Variants in ENOX1 observed in about 807,000 individuals in gnomAD.
The protein encoded by ENOX1 is candidate growth-related and time keeping constitutive hydroquinone (NADH) oxidase.
ENOX1 carries 42 observed loss-of-function variants against 82.5 expected under a neutral mutation model. The observed-to-expected ratio is 0.51, with a 90% CI of 0.40 to 0.66. The LOEUF (loss-of-function observed/expected upper bound fraction) is 0.66. Among genes scored for constraint, ENOX1 ranks in the 30% least tolerant of loss-of-function variants. The probability of loss-of-function intolerance (pLI) is 0.00; values close to 1 mark genes in which losing one functional copy is unlikely to be tolerated. For missense variants in ENOX1, 608 were observed against 811.6 expected, an observed-to-expected ratio of 0.75 and a Z score of 3.05; for synonymous variants, 271 against 282.2, an observed-to-expected ratio of 0.96 and a Z score of 0.40.
intron 3 of ENOX1, among the ~76,000 whole-genome samples, chr13:43,449,170 G>A (rs1405189883): frequency 6.6e-6 from 1 of 152,150 alleles, no homozygotes; most frequent in African/African-American, 2.4e-5. Context: ...ATTCCATTCT[G>A]TTCTCAGTTC....
intron 2 of ENOX1, among the ~76,000 whole-genome samples, chr13:43,626,390 T>C (rs1419997061): frequency 6.6e-6 from 1 of 151,910 alleles, no homozygotes. Flanking sequence ...TTTTAGTTTT[T>C]TGGGGTGATA....
At chr13:43,370,363 T>G (rs535109398) in intron 5 of ENOX1, among the ~76,000 whole-genome samples, 1 of 151,738 alleles carries the variant, frequency 6.6e-6, no homozygotes, top group Non-Finnish European at 1.5e-5. Context: ...CGAGACTCCA[T>G]CTCAAGAAAA....
intron 2 of ENOX1, among the ~76,000 whole-genome samples, chr13:43,508,564 T>C (rs918843521): frequency 6.6e-6 from 1 of 151,992 alleles, no homozygotes; most frequent in African/African-American, 2.4e-5. Context: ...TATTCAAAGG[T>C]ATACAGGTAA....
chr13:43,366,789 A>G (rs1416099897), intron 5 of ENOX1, among the ~76,000 whole-genome samples: 2 of 152,236 alleles, frequency 1.3e-5, no homozygotes, highest in African/African-American at 2.4e-5. Flanking sequence ...CTCATTTATA[A>G]TATCTGTAAA....
At chr13:43,470,319 CATATATATATGTATATATATACGTAT>C (rs2057966546) in intron 3 of ENOX1, among the ~76,000 whole-genome samples, 2 of 37,524 alleles carry the variant, frequency 5.3e-5, no homozygotes, top group Admixed American at 2.5e-4. Context: ...TATATATACA[CATATATATATGTATATATATACGTAT>C]ATATATATGT....
rs147235571 is a variant in ENOX1 at position 43,614,052 on chromosome 13, C to G, written c.-219+53427G>C. Among the ~76,000 whole-genome samples, 79 of 152,258 alleles carry G rather than the reference C, an allele frequency of 5.2e-4. 1 individual carries two copies. Among genetic ancestry groups the G allele is most frequent in the African/African-American group, 1.8e-3 (75 of 41,550 alleles). On this transcript the variant is annotated intron_variant, in intron 2 of 16. Transcript: ENST00000690772. ...ATGCAGAATATAAAAGGTGGGGCAA[C>G]AGGGCATGTGGTGCTTTCCTTAGTT...
intron 13 of ENOX1, among the ~76,000 whole-genome samples, chr13:43,269,157 C>T (rs897771748): frequency 6.6e-6 from 1 of 152,134 alleles, no homozygotes; most frequent in South Asian, 2.1e-4. Context: ...AAGAGGAAAC[C>T]AGCTGCTTAC....
At chr13:43,545,882 C>T (rs2078952376) in intron 2 of ENOX1, 1 of 152,232 alleles carries the variant, frequency 6.6e-6, no homozygotes, top group Non-Finnish European at 1.5e-5. Context: ...CTTATCTGAG[C>T]TACACAGACC....
intron 2 of ENOX1, among the ~76,000 whole-genome samples, chr13:43,539,154 T>G (rs990752838): frequency 2.1e-4 from 32 of 152,126 alleles, no homozygotes; most frequent in African/African-American, 7.7e-4. Flanking sequence ...TGCTGTACAT[T>G]TATTTCTTGT....
At chr13:43,332,845 T>C (rs1030026070) in intron 9 of ENOX1, among the ~76,000 whole-genome samples, 12 of 152,008 alleles carry the variant, frequency 7.9e-5, no homozygotes, top group Non-Finnish European at 1.5e-4. Context: ...GTAATGTATA[T>C]ACAGAAGAAA....
intron 2 of ENOX1, among the ~76,000 whole-genome samples, chr13:43,525,107 AAC>A (rs2077932019): frequency 6.6e-6 from 1 of 152,136 alleles, no homozygotes; most frequent in Non-Finnish European, 1.5e-5. Context: ...ATTGTGGTAA[AAC>A]ACACTTAACA....
At chr13:43,517,473 G>C (rs148677199) in intron 2 of ENOX1, among the ~76,000 whole-genome samples, 1,795 of 152,186 alleles carry the variant, frequency 0.012, 18 homozygotes, top group Middle Eastern at 0.024. Flanking sequence ...ACTCCAGCCT[G>C]GGCAACAAGA....
At position 43,336,325 on chromosome 13, in the gene ENOX1, T is replaced by C. The variant is rs111280621; in HGVS notation, c.1036+8213A>G. Among the ~76,000 whole-genome samples the C allele has an allele frequency of 1.8e-3, 281 of 152,356 alleles. 1 individual carries two copies. Among genetic ancestry groups the C allele is most frequent in the African/African-American group, 6.3e-3 (264 of 41,592 alleles). On this transcript the variant is annotated intron_variant, in intron 9 of 16. Coordinates refer to ENST00000690772, the MANE Select transcript of ENOX1 (RefSeq NM_001347969.2). Reference sequence around the variant, plus strand: ...ATCAGAAACCCCTCACATTTCACTCTAGCACTTAGCACACAACTTGACACT... The same window carrying C: ...ATCAGAAACCCCTCACATTTCACTCCAGCACTTAGCACACAACTTGACACT...
At chr13:43,553,284 AAAT>A (rs1417392055) in intron 2 of ENOX1, among the ~76,000 whole-genome samples, 2 of 152,238 alleles carry the variant, frequency 1.3e-5, no homozygotes, top group African/African-American at 4.8e-5. Context: ...AGCAGTCAAT[AAAT>A]AATAACTAAA....
intron 2 of ENOX1, among the ~76,000 whole-genome samples, chr13:43,629,595 A>G (rs1835557043): frequency 6.6e-6 from 1 of 152,216 alleles, no homozygotes; most frequent in Admixed American, 6.5e-5. Flanking sequence ...CGAAAGTGGA[A>G]TTCTGTATTT....
chr13:43,433,172 C>T (rs1309962665), intron 3 of ENOX1, among the ~76,000 whole-genome samples: 3 of 152,076 alleles, frequency 2.0e-5, no homozygotes, highest in Admixed American at 6.5e-5. Context: ...CTGGTGAGGC[C>T]GTTTCATGCT....
chr13:43,431,610 C>G (rs763478889), intron 3 of ENOX1, among the ~76,000 whole-genome samples: 11 of 152,224 alleles, frequency 7.2e-5, no homozygotes, highest in Non-Finnish European at 1.6e-4. Context: ...TCAGCCAAAA[C>G]AGTGCCTAGT....
intron 15 of ENOX1, among the ~76,000 whole-genome samples, chr13:43,225,428 A>G (rs905352164): frequency 2.6e-5 from 4 of 152,232 alleles, no homozygotes; most frequent in Non-Finnish European, 4.4e-5. Flanking sequence ...ACGTTGAAAA[A>G]GAAACAAAAG....
At position 43,361,547 on chromosome 13, in the gene ENOX1, T is replaced by C; in HGVS notation, c.209-95A>G. On this transcript the variant is annotated intron_variant, in intron 5 of 16. Transcript: ENST00000690772. Reference sequence around the variant, plus strand: ...CCTGTGGATTATTTGACTTTATACTTTCTATTTTTCAGGAATTTCTCCTGG... The same window carrying C: ...CCTGTGGATTATTTGACTTTATACTCTCTATTTTTCAGGAATTTCTCCTGG... 4 of 1,172,262 alleles carry C rather than the reference T, an allele frequency of 3.4e-6. No individual in the cohort carries two copies. The South Asian group carries it at 4.5e-5, about 13-fold the overall frequency. The allele number at this position is 1,172,262 out of a possible 1,614,324, so 72.6% of individuals were successfully genotyped here.
Sources: gnomAD v4.1 joint callset for allele counts (sites outside exome capture counted in the v4.1 genomes callset) on GRCh38, gnomAD v4.1.1 for gene constraint, MANE v1.5 for transcripts, NCBI Gene and HGNC (gene_info 2026-07-23, HGNC 2026-07-21) for gene names.